The following PTPRD variants were observed in gnomAD, a reference collection of about 807,000 sequenced individuals.
PTPRD encodes the protein protein tyrosine phosphatase receptor type D, also known as receptor-type tyrosine-protein phosphatase delta.
Under a neutral mutation model 214.5 loss-of-function variants are expected in PTPRD, and 34 were observed. The observed-to-expected ratio is 0.16, with a 90% CI of 0.12 to 0.21. PTPRD has a LOEUF of 0.21. Among genes scored for constraint, PTPRD ranks in the 10% least tolerant of loss-of-function variants. The pLI is 1.00. For synonymous variants in PTPRD, 1,128 were observed against 845.7 expected (o/e 1.33, Z -5.79); for missense variants, 2,545 against 2,398.7 (o/e 1.06, Z -1.27).
intron 39 of PTPRD, among the ~76,000 whole-genome samples, chr9:8,347,965 C>G (rs983351414): frequency 6.6e-6 from 1 of 152,076 alleles, no homozygotes; most frequent in Non-Finnish European, 1.5e-5. Context: ...ATGGAAGCCC[C>G]AGCAGACTAA....
chr9:10,294,459 G>A (rs1347352364), intron 3 of PTPRD, among the ~76,000 whole-genome samples: 3 of 151,870 alleles, frequency 2.0e-5, no homozygotes, highest in East Asian at 1.9e-4. Flanking sequence ...GACAATGACT[G>A]TAAATCAAGT....
At chr9:10,072,210 T>C (rs2098035124) in intron 3 of PTPRD, among the ~76,000 whole-genome samples, 1 of 152,036 alleles carries the variant, frequency 6.6e-6, no homozygotes, top group East Asian at 1.9e-4. Flanking sequence ...GCAAGTTAAG[T>C]ATATGAAAAT....
intron 5 of PTPRD, among the ~76,000 whole-genome samples, chr9:9,795,804 T>A (rs1200740102): frequency 6.6e-6 from 1 of 152,126 alleles, no homozygotes; most frequent in African/African-American, 2.4e-5. Flanking sequence ...ATCTGACACA[T>A]CTTCTTCTGA....
intron 8 of PTPRD, among the ~76,000 whole-genome samples, chr9:9,465,323 C>T (rs2094045909): frequency 6.6e-6 from 1 of 152,118 alleles, no homozygotes; most frequent in Non-Finnish European, 1.5e-5. Flanking sequence ...AATACTTTAT[C>T]CTTAAGATAT....
intron 5 of PTPRD, among the ~76,000 whole-genome samples, chr9:9,859,281 A>G (rs1385302948): frequency 1.3e-5 from 2 of 152,182 alleles, no homozygotes; most frequent in South Asian, 2.1e-4. Context: ...TCAGGTAAGT[A>G]TCTTTATAGT....
At chr9:9,838,507 C>G (rs1431885282) in intron 5 of PTPRD, among the ~76,000 whole-genome samples, 10 of 152,242 alleles carry the variant, frequency 6.6e-5, no homozygotes, top group South Asian at 6.2e-4. Flanking sequence ...ATTTGCATTT[C>G]TCTGATGGCC....
chr9:9,448,499 T>C (rs1339145478), intron 8 of PTPRD, among the ~76,000 whole-genome samples: 3 of 152,078 alleles, frequency 2.0e-5, no homozygotes, highest in Non-Finnish European at 4.4e-5. Context: ...CTTCCAATGC[T>C]GCTATGATTG....
At chr9:8,737,990 C>G (rs2090907045) in intron 11 of PTPRD, among the ~76,000 whole-genome samples, 1 of 152,120 alleles carries the variant, frequency 6.6e-6, no homozygotes, top group Admixed American at 6.6e-5. Context: ...AGAACTCAAC[C>G]ATGTATATGA....
chr9:9,534,087 A>T (rs1030655750), intron 8 of PTPRD, among the ~76,000 whole-genome samples: 2 of 152,046 alleles, frequency 1.3e-5, no homozygotes, highest in African/African-American at 4.8e-5. Flanking sequence ...AGGATATTTA[A>T]AAATAGGGGC....
intron 2 of PTPRD, among the ~76,000 whole-genome samples, chr9:10,595,130 C>G (rs1322821871): frequency 6.6e-6 from 1 of 151,832 alleles, no homozygotes; most frequent in African/African-American, 2.4e-5. Context: ...GTACAATTTT[C>G]AGAGTGAAAA....
chr9:9,370,298 T>C (rs1363311869), intron 9 of PTPRD, among the ~76,000 whole-genome samples: 1 of 152,082 alleles, frequency 6.6e-6, no homozygotes, highest in Non-Finnish European at 1.5e-5. Flanking sequence ...GAGCAGTGGT[T>C]TGTAGTTCTC....
intron 3 of PTPRD, among the ~76,000 whole-genome samples, chr9:10,261,266 C>A (rs2093683930): frequency 6.6e-6 from 1 of 151,586 alleles, no homozygotes; most frequent in Non-Finnish European, 1.5e-5. Flanking sequence ...TCTTAGAATT[C>A]ACGTGACACA....
chr9:10,511,934 G>C (rs1473772966), intron 2 of PTPRD, among the ~76,000 whole-genome samples: 2 of 62,856 alleles, frequency 3.2e-5, no homozygotes, highest in African/African-American at 1.2e-4. Context: ...ATATATACGT[G>C]TATATATATA....
chr9:8,656,907 C>G (rs1315349313), intron 12 of PTPRD, among the ~76,000 whole-genome samples: 1 of 152,080 alleles, frequency 6.6e-6, no homozygotes, highest in Admixed American at 6.5e-5. Flanking sequence ...AACTGGAACA[C>G]CCTGAAATCA....
intron 2 of PTPRD, among the ~76,000 whole-genome samples, chr9:10,557,936 C>T (rs1590868263): frequency 6.6e-6 from 1 of 152,114 alleles, no homozygotes; most frequent in Non-Finnish European, 1.5e-5. Flanking sequence ...GTGCAATTTG[C>T]ACAGCATTCT....
At chr9:9,867,232 A>T (rs2064202328) in intron 5 of PTPRD, among the ~76,000 whole-genome samples, 1 of 152,130 alleles carries the variant, frequency 6.6e-6, no homozygotes, top group Non-Finnish European at 1.5e-5. Flanking sequence ...TATTTTCCTG[A>T]TCACATAGTT....
At chr9:10,556,358 T>C (rs528549115) in intron 2 of PTPRD, among the ~76,000 whole-genome samples, 32 of 151,908 alleles carry the variant, frequency 2.1e-4, no homozygotes, top group Admixed American at 5.3e-4. Context: ...GAAGGAGATA[T>C]GCTAAACCTG....
chr9:9,366,252 T>C (rs1384883726), intron 9 of PTPRD, among the ~76,000 whole-genome samples: 3 of 151,568 alleles, frequency 2.0e-5, no homozygotes, highest in Non-Finnish European at 4.4e-5. Context: ...CACCTGAGTG[T>C]TGTAATTTTT....
intron 14 of PTPRD, among the ~76,000 whole-genome samples, chr9:8,553,725 GC>G (rs1279493493): frequency 6.6e-6 from 1 of 152,036 alleles, no homozygotes; most frequent in Admixed American, 6.6e-5. Flanking sequence ...TAACCATAAA[GC>G]CCTATAAGAA....
Sources: gnomAD v4.1 joint callset for allele counts (sites outside exome capture counted in the v4.1 genomes callset) on GRCh38, gnomAD v4.1.1 for gene constraint, MANE v1.5 for transcripts, NCBI Gene and HGNC (gene_info 2026-07-23, HGNC 2026-07-21) for gene names.